Variants in ALKBH3 observed in about 807,000 individuals in gnomAD.
The protein encoded by ALKBH3 is alkB homolog 3, alpha-ketoglutarate dependent dioxygenase, also known as alpha-ketoglutarate-dependent dioxygenase alkB homolog 3.
In ALKBH3, 51 loss-of-function variants were observed where a neutral mutation model predicts 43.9. The ratio of observed to expected loss-of-function variants is 1.16; its 90% confidence interval spans 0.93 to 1.47. ALKBH3 has a LOEUF of 1.47. Ranked by LOEUF, ALKBH3 falls within the 40% of genes most tolerant of loss-of-function variation. ALKBH3 has a pLI of 0.00. For missense variants in ALKBH3, 361 were observed against 351.9 expected (o/e 1.03, Z -0.21); for synonymous variants, 102 against 115.2 (o/e 0.89, Z 0.73).
intron 9 of ALKBH3, 198 bp from the exon 10 acceptor site, chr11:43,919,720 C>T (rs977461081): frequency 5.4e-6 from 3 of 550,800 alleles, no homozygotes; most frequent in Non-Finnish European, 9.7e-6. Flanking sequence ...GAGGTGCTGG[C>T]ATAGCACAGT....
chr11:43,904,692 T>C (rs1951884349), intron 8 of ALKBH3, among the ~76,000 whole-genome samples: 1 of 152,228 alleles, frequency 6.6e-6, no homozygotes, highest in African/African-American at 2.4e-5. Flanking sequence ...CATCTTTATC[T>C]TATAAATAAT....
intron 1 of ALKBH3, among the ~76,000 whole-genome samples, chr11:43,882,083 A>G (rs1217195071): frequency 6.6e-6 from 1 of 152,144 alleles, no homozygotes; most frequent in Non-Finnish European, 1.5e-5. Flanking sequence ...GTCAAATCTT[A>G]CACTGCTTGT....
intron 5 of ALKBH3, among the ~76,000 whole-genome samples, chr11:43,889,158 G>C (rs1951766505): frequency 6.6e-6 from 1 of 152,156 alleles, no homozygotes; most frequent in Non-Finnish European, 1.5e-5. Context: ...CTCCCAAGTA[G>C]TTGGAACTAC....
intron 8 of ALKBH3, among the ~76,000 whole-genome samples, chr11:43,915,885 T>C (rs895916763): frequency 5.3e-5 from 8 of 152,230 alleles, no homozygotes; most frequent in African/African-American, 1.9e-4. Flanking sequence ...TTTATTCATA[T>C]GTGTGATAGG....
Position 43,889,707 on chromosome 11 carries a change from T to G in ALKBH3, c.267-18T>G. 2 of 1,609,066 alleles carry G rather than the reference T, an allele frequency of 1.2e-6. No individual in the cohort carries two copies. On this transcript the variant is annotated intron_variant, in intron 5 of 9. Transcript: ENST00000302708. ...CTTTTCCATGTTTTTTGGTTAACAA[T>G]GTTCATTCTGCACCCAGGGTCTGTT...
chr11:43,886,466 A>G (rs779534222), intron 4 of ALKBH3, 140 bp from the exon 5 acceptor site: 38 of 686,070 alleles, frequency 5.5e-5, no homozygotes, highest in Non-Finnish European at 8.7e-5. Context: ...GTGGTAGAAG[A>G]AGGTGGGGAT....
intron 4 of ALKBH3, among the ~76,000 whole-genome samples, chr11:43,886,361 A>G (rs955898801): frequency 1.3e-5 from 2 of 152,184 alleles, no homozygotes; most frequent in African/African-American, 4.8e-5. Context: ...AAAGGAGTAG[A>G]ATCAGAATTG....
At chr11:43,895,239 A>G (rs1006612919) in intron 7 of ALKBH3, among the ~76,000 whole-genome samples, 1 of 152,196 alleles carries the variant, frequency 6.6e-6, no homozygotes, top group East Asian at 1.9e-4. Context: ...TCCCCACGCA[A>G]GTCTCACCTT....
chr11:43,915,193 G>C (rs954937616), intron 8 of ALKBH3, among the ~76,000 whole-genome samples: 1 of 149,538 alleles, frequency 6.7e-6, no homozygotes, highest in African/African-American at 2.5e-5. Context: ...GGGTGACAGA[G>C]TGAGACTCTG....
intron 1 of ALKBH3, 104 bp from the exon 2 acceptor site, chr11:43,882,479 C>A: frequency 1.9e-6 from 1 of 513,688 alleles, no homozygotes; most frequent in Non-Finnish European, 3.4e-6. Context: ...TACATGGAAG[C>A]TCTATTGCCA....
intron 8 of ALKBH3, among the ~76,000 whole-genome samples, chr11:43,906,917 T>C (rs1951899802): frequency 6.6e-6 from 1 of 152,226 alleles, no homozygotes; most frequent in African/African-American, 2.4e-5. Flanking sequence ...TTCATGGAAG[T>C]AATCAACAAG....
In ALKBH3 at chr11:43,886,691, C is replaced by G. The variant is rs559427641; in HGVS notation, c.266+38C>G. On this transcript the variant is annotated intron_variant, in intron 5 of 9. Coordinates refer to ENST00000302708, the MANE Select transcript of ALKBH3 (RefSeq NM_139178.4). ...TCACAAGAAGTGACCGTAATTATCA[C>G]TGAGTTATAGTCTCTTAAAATAGTT... 7.5e-6 allele frequency: 12 copies of G among 1,592,462 alleles called. No homozygotes were observed. In the African/African-American group the frequency reaches 1.6e-4, roughly 21 times the overall value.
intron 8 of ALKBH3, among the ~76,000 whole-genome samples, chr11:43,908,225 A>G (rs895196974): frequency 6.6e-6 from 1 of 152,250 alleles, no homozygotes; most frequent in African/African-American, 2.4e-5. Context: ...GAGGAAGCAG[A>G]GAGAACCTTC....
intron 8 of ALKBH3, 91 bp from the exon 9 acceptor site, chr11:43,918,947 G>A (rs192568858): frequency 1.0e-6 from 1 of 999,016 alleles, no homozygotes; most frequent in Admixed American, 1.8e-5. Context: ...TGGCTGAGCA[G>A]AGGTTTCCAT....
intron 8 of ALKBH3, chr11:43,909,917 T>C (rs1951924668): frequency 6.6e-6 from 1 of 152,242 alleles, no homozygotes; most frequent in African/African-American, 2.4e-5. Flanking sequence ...ACACCTGCTG[T>C]TTCGCTCCAT....
intron 7 of ALKBH3, chr11:43,897,498 C>T (rs1435444891): frequency 5.3e-6 from 4 of 753,906 alleles, no homozygotes; most frequent in Non-Finnish European, 9.8e-6. Context: ...ATACAAATAC[C>T]CCTTCAAATT....
intron 2 of ALKBH3, 141 bp from the exon 3 acceptor site, chr11:43,882,944 A>C: frequency 1.2e-6 from 1 of 823,118 alleles, no homozygotes; most frequent in South Asian, 1.8e-5. Context: ...CAAACCTTTC[A>C]GTATCTTCTG....
At chr11:43,915,845 G>A (rs1407015342) in intron 8 of ALKBH3, among the ~76,000 whole-genome samples, 2 of 152,184 alleles carry the variant, frequency 1.3e-5, no homozygotes, top group African/African-American at 4.8e-5. Flanking sequence ...TACATTTTCT[G>A]TGTACTCTTC....
At chr11:43,917,743 G>C (rs1951995358) in intron 8 of ALKBH3, among the ~76,000 whole-genome samples, 1 of 152,166 alleles carries the variant, frequency 6.6e-6, no homozygotes, top group African/African-American at 2.4e-5. Flanking sequence ...GGTTGTCTGA[G>C]GGGTCAAAGG....
Sources: allele counts gnomAD v4.1 joint callset (sites outside exome capture counted in the v4.1 genomes callset), GRCh38; gene constraint gnomAD v4.1.1; transcripts MANE v1.5; gene names NCBI Gene and HGNC (gene_info 2026-07-23, HGNC 2026-07-21).